Variants in TMEM200A observed in about 807,000 individuals in gnomAD.
The protein encoded by TMEM200A is transmembrane protein 200A.
TMEM200A carries 12 observed loss-of-function variants against 24.3 expected under a neutral mutation model. The ratio of observed to expected loss-of-function variants is 0.49; its 90% CI spans 0.32 to 0.80. The LOEUF is 0.80. Among genes scored for constraint, TMEM200A ranks in the 30% least tolerant of loss-of-function variants. The pLI, the probability that TMEM200A is intolerant of heterozygous loss-of-function variation, is 0.04. For missense variants in TMEM200A, 545 were observed against 614.4 expected (o/e 0.89, Z 1.19); for synonymous variants, 224 against 224.4 (o/e 1.00, Z 0.02).
intron 2 of TMEM200A, among the ~76,000 whole-genome samples, chr6:130,404,373 A>C (rs1375839826): frequency 6.6e-6 from 1 of 152,072 alleles, no homozygotes; most frequent in Non-Finnish European, 1.5e-5. Flanking sequence ...AGCCATTCTG[A>C]CTAGTGTGAG....
In TMEM200A at chr6:130,441,643, A is replaced by C; in HGVS notation, c.1221A>C (p.Leu407=). ...ACTTAGACCGGGGTCCCTCCACTCT[A>C]ACTGTTCAGGCAGAACAACGGAAAC... ...SLDLDRGPST[L]TVQAEQRKHP... The change falls in exon 3 of 3, where the codon CTA becomes CTC. Residue 407 remains leucine (L), a synonymous_variant. Transcript: ENST00000296978. 1 of 1,614,034 alleles carries C rather than the reference A, an allele frequency of 6.2e-7. No individual in the cohort carries two copies. The highest frequency in any genetic ancestry group is 8.5e-7 in the Non-Finnish European group (1 of 1,180,006).
chr6:130,375,648 G>A (rs981863382), intron 1 of TMEM200A, among the ~76,000 whole-genome samples: 1 of 152,196 alleles, frequency 6.6e-6, no homozygotes, highest in Non-Finnish European at 1.5e-5. Context: ...CTGCATTTGA[G>A]GCATTTAAGC....
At chr6:130,431,405 G>A (rs913249750) in intron 2 of TMEM200A, among the ~76,000 whole-genome samples, 15 of 152,074 alleles carry the variant, frequency 9.9e-5, no homozygotes, top group African/African-American at 2.9e-4. Context: ...CTAATTTCCC[G>A]TGTCTTAGTA....
rs1465246659 is a variant in TMEM200A at position 130,440,400 on chromosome 6, TC to T, written c.-16-6del. On this transcript the variant is annotated splice_region_variant and splice_polypyrimidine_tract_variant and intron_variant, in intron 2 of 2. Coordinates refer to ENST00000296978, the MANE Select transcript of TMEM200A (RefSeq NM_001258277.2). ...ATCATCTTTTTCCTTTTTTTTTTCT[TC>T]TTCAGAGTAAAAGGCCAAGCTATGA... 1.3e-6 allele frequency: 2 copies of T among 1,513,442 alleles called. No homozygotes were observed. The highest frequency in any genetic ancestry group is 1.8e-6 in the Non-Finnish European group (2 of 1,133,732). The allele number at this position is 1,513,442 out of a possible 1,614,324, so 93.8% of individuals were successfully genotyped here.
At position 130,407,114 on chromosome 6, in the gene TMEM200A, A is replaced by T. The variant is rs549468796; in HGVS notation, c.-17+21878A>T. On this transcript the variant is annotated intron_variant, in intron 2 of 2. Transcript: ENST00000296978. ...CATAATGTGAAAGGCGCTTGGAATT[A>T]TAATTGTATTCTGGAAGTCTTGTGG... Among the ~76,000 whole-genome samples the T allele has an allele frequency of 2.0e-5, 3 of 152,274 alleles. No homozygotes were observed. In the South Asian group the frequency reaches 6.2e-4, roughly 32 times the overall value.
intron 2 of TMEM200A, among the ~76,000 whole-genome samples, chr6:130,413,916 A>G (rs1477974755): frequency 6.6e-6 from 1 of 152,148 alleles, no homozygotes; most frequent in Admixed American, 6.6e-5. Context: ...CCTCTTCCAA[A>G]TAGGAGTTTT....
At chr6:130,434,028 T>A (rs6928110) in intron 2 of TMEM200A, among the ~76,000 whole-genome samples, 21 of 151,990 alleles carry the variant, frequency 1.4e-4, no homozygotes, top group Admixed American at 6.6e-5. Flanking sequence ...TCATAGCAAT[T>A]CTTTTATTTT....
chr6:130,435,800 C>T (rs530254206), intron 2 of TMEM200A, among the ~76,000 whole-genome samples: 41 of 152,282 alleles, frequency 2.7e-4, no homozygotes, highest in Non-Finnish European at 4.9e-4. Context: ...GAATAAGTCA[C>T]GGCCCTGCCC....
intron 1 of TMEM200A, among the ~76,000 whole-genome samples, chr6:130,370,771 G>A (rs968331251): frequency 6.6e-6 from 1 of 152,074 alleles, no homozygotes; most frequent in Non-Finnish European, 1.5e-5. Flanking sequence ...TGTACTTCTA[G>A]CAAATATCCC....
At chr6:130,401,675 C>A (rs1056163887) in intron 2 of TMEM200A, among the ~76,000 whole-genome samples, 1 of 151,732 alleles carries the variant, frequency 6.6e-6, no homozygotes, top group Non-Finnish European at 1.5e-5. Context: ...TTAAGTATTG[C>A]AAGATTGTTT....
upstream of TMEM200A, chr6:130,365,577 C>T: frequency 4.1e-6 from 4 of 985,370 alleles, no homozygotes; most frequent in Non-Finnish European, 4.8e-6. Flanking sequence ...TCGGCTGGAG[C>T]TCCCCAGCCG....
chr6:130,377,821 A>AT (rs1205145738), intron 1 of TMEM200A, among the ~76,000 whole-genome samples: 1 of 152,196 alleles, frequency 6.6e-6, no homozygotes, highest in African/African-American at 2.4e-5. Flanking sequence ...TACATGTATA[A>AT]TTTGTTGTGA....
intron 1 of TMEM200A, among the ~76,000 whole-genome samples, chr6:130,371,950 C>T (rs979021025): frequency 3.3e-5 from 5 of 152,174 alleles, no homozygotes; most frequent in Admixed American, 6.5e-5. Context: ...TAAGGCCATG[C>T]GCCTTAGATA....
Position 130,434,167 on chromosome 6 carries a change from C to T in TMEM200A, c.-16-6240C>T, listed in dbSNP as rs577217197. ...TACTCAAACCTTCATCAACTCAGTT[C>T]ACAGTCAACAGATACTTACTGAGCA... On this transcript the variant is annotated intron_variant, in intron 2 of 2. Coordinates refer to ENST00000296978, the MANE Select transcript of TMEM200A (RefSeq NM_001258277.2). Among the ~76,000 whole-genome samples, 3 of 151,322 alleles carry T rather than the reference C, an allele frequency of 2.0e-5. No individual in the cohort carries two copies. In the South Asian group the frequency reaches 6.2e-4, roughly 31 times the overall value.
At position 130,440,570 on chromosome 6, in the gene TMEM200A, G is replaced by A. The variant is rs1191272125; in HGVS notation, c.148G>A (p.Val50Ile). ...IRRRPRADVV[V>I]VRGKIRLYSP... ...GCGCCGGCCCCGGGCAGATGTTGTG[G>A]TTGTTCGTGGCAAAATCCGGCTTTA... Residue 50 changes from valine to isoleucine, a missense_variant, in exon 3 of 3, where the codon GTT becomes ATT. By Grantham distance (29) the Val-to-Ile change is conservative. Transcript: ENST00000296978. The A allele has an allele frequency of 3.1e-6, 5 of 1,613,966 alleles. No individual in the cohort carries two copies. In the African/African-American group the frequency reaches 6.7e-5, roughly 22 times the overall value.
At chr6:130,438,792 G>T (rs2115234336) in intron 2 of TMEM200A, 1 of 152,340 alleles carries the variant, frequency 6.6e-6, no homozygotes, top group Non-Finnish European at 1.5e-5. Context: ...CTATAATATT[G>T]TAAGTGCCAT....
At position 130,387,501 on chromosome 6, in the gene TMEM200A, G is replaced by T. The variant is rs529651077; in HGVS notation, c.-17+2265G>T. Reference sequence around the variant, plus strand: ...TTGGCCAGGCTGGTCTCGAACTCCTGATCTTAGGTGATCCGCCTGCCTCGG... The same window carrying T: ...TTGGCCAGGCTGGTCTCGAACTCCTTATCTTAGGTGATCCGCCTGCCTCGG... On this transcript the variant is annotated intron_variant, in intron 2 of 2. Transcript: ENST00000296978. Among the ~76,000 whole-genome samples, 48 of 152,276 alleles carry T rather than the reference G, an allele frequency of 3.2e-4. 1 individual carries two copies. Among genetic ancestry groups the T allele is most frequent in the African/African-American group, 1.1e-3 (47 of 41,554 alleles).
intron 2 of TMEM200A, among the ~76,000 whole-genome samples, chr6:130,396,863 G>T (rs927540822): frequency 6.7e-4 from 102 of 152,022 alleles, no homozygotes; most frequent in African/African-American, 2.4e-3. Context: ...GGTACTGTTG[G>T]AGGCTTCTTC....
At chr6:130,384,335 A>G (rs1437173167) in intron 1 of TMEM200A, among the ~76,000 whole-genome samples, 1 of 152,062 alleles carries the variant, frequency 6.6e-6, no homozygotes, top group Non-Finnish European at 1.5e-5. Flanking sequence ...TGTTTTATTT[A>G]TTTATTTAAA....
Sources: gnomAD v4.1 joint callset for allele counts (sites outside exome capture counted in the v4.1 genomes callset) on GRCh38, gnomAD v4.1.1 for gene constraint, MANE v1.5 for transcripts, NCBI Gene and HGNC (gene_info 2026-07-23, HGNC 2026-07-21) for gene names.